CAV1: variants seen among roughly 807,000 people sequenced by gnomAD.
CAV1 encodes caveolin-1.
A neutral mutation model predicts 16.5 loss-of-function variants in CAV1; 10 were observed. The observed-to-expected ratio is 0.61, with a 90% CI of 0.37 to 1.03. The LOEUF is 1.03. CAV1 is among the 50% of genes least tolerant of loss of function. The probability of loss-of-function intolerance (pLI) is 0.01; values close to 1 mark genes in which losing one functional copy is unlikely to be tolerated. For synonymous variants in CAV1, 76 were observed against 85.1 expected (o/e 0.89, Z 0.59); for missense variants, 212 against 232.8 (o/e 0.91, Z 0.58).
In CAV1 at chr7:116,560,274, G is replaced by A. The variant is rs145054697; in HGVS notation, c.*987G>A. 21 of 158,306 alleles carry A rather than the reference G, an allele frequency of 1.3e-4. No homozygotes were observed. Among genetic ancestry groups the A allele is most frequent in the Middle Eastern group, 6.5e-3 (2 of 310 alleles). 9.8% of individuals were successfully genotyped at this position (158,306 alleles called of 1,614,324 possible). ...GAGGTCAGCATGTCTATTCAGCTTC[G>A]TTTATTTTCAAGAATAATCACGCTT... On this transcript the variant is annotated 3_prime_UTR_variant, in exon 3 of 3. Transcript: ENST00000341049.
At chr7:116,557,440 T>C (rs1794313165) in intron 2 of CAV1, among the ~76,000 whole-genome samples, 1 of 152,196 alleles carries the variant, frequency 6.6e-6, no homozygotes, top group East Asian at 1.9e-4. Context: ...TCAAACTGCA[T>C]TAAATCCCCT....
In CAV1 at chr7:116,526,525, G is replaced by A. The variant is rs970789471; in HGVS notation, c.31G>A (p.Gly11Arg). 5 of 1,613,882 alleles carry A rather than the reference G, an allele frequency of 3.1e-6. No individual in the cohort carries two copies. Among genetic ancestry groups the A allele is most frequent in the Admixed American group, 1.7e-5 (1 of 60,018 alleles). The change falls in exon 2 of 3, where the codon GGA (glycine) becomes AGA (arginine). Residue 11 changes from glycine to arginine, a missense_variant and splice_region_variant. Transcript: ENST00000341049. MSGGKYVDSE[G>R]HLYTVPIREQ... ...GCCGTCCGCCCTCCGCCCTCTGCAG[G>A]GACATCTCTACACCGTTCCCATCCG...
intron 2 of CAV1, among the ~76,000 whole-genome samples, chr7:116,543,554 T>C (rs1473024803): frequency 6.6e-6 from 1 of 152,236 alleles, no homozygotes; most frequent in Non-Finnish European, 1.5e-5. Context: ...GCTGTATCTG[T>C]TCTAAGATGG....
rs113679124 is a variant in CAV1 at position 116,532,606 on chromosome 7, A to C, written c.195+5917A>C. Among the ~76,000 whole-genome samples, 328 of 152,242 alleles carry C rather than the reference A, an allele frequency of 2.2e-3. 2 individuals carry two copies. Among genetic ancestry groups the C allele is most frequent in the African/African-American group, 7.0e-3 (291 of 41,532 alleles). On this transcript the variant is annotated intron_variant, in intron 2 of 2. Coordinates refer to ENST00000341049, the MANE Select transcript of CAV1 (RefSeq NM_001753.5). The stretch of plus-strand genomic sequence containing the variant: ...AGGCCCTAGAGAAAAAGATTTGCAA[A>C]CTATACTTGTTTTAAAACAACTTTC...
chr7:116,528,281 A>C (rs1161179680), intron 2 of CAV1, among the ~76,000 whole-genome samples: 2 of 152,184 alleles, frequency 1.3e-5, no homozygotes, highest in African/African-American at 4.8e-5. Context: ...TAGCATGACT[A>C]AGTTGAGAAA....
Position 116,560,757 on chromosome 7 carries a change from T to TC in CAV1, c.*1471dup, listed in dbSNP as rs897966902. On this transcript the variant is annotated 3_prime_UTR_variant, in exon 3 of 3. Coordinates refer to ENST00000341049, the MANE Select transcript of CAV1 (RefSeq NM_001753.5). ...TAAACCTTCAGTTATGATTTTTTTT[T>TC]CATACACTTATTGGAACTCTGCTTG... The TC allele has an allele frequency of 4.1e-4, 62 of 152,748 alleles. No individual in the cohort carries two copies. The highest frequency in any genetic ancestry group is 1.4e-3 in the African/African-American group (59 of 41,576). The allele number at this position is 152,748 out of a possible 1,614,324, so 9.5% of individuals were successfully genotyped here.
intron 2 of CAV1, among the ~76,000 whole-genome samples, chr7:116,528,866 G>A (rs1330983710): frequency 6.6e-6 from 1 of 151,850 alleles, no homozygotes; most frequent in Non-Finnish European, 1.5e-5. Flanking sequence ...GTCTCACTCT[G>A]TCACCCAGGC....
At chr7:116,525,798 C>T in intron 1 of CAV1, 1 of 1,041,080 alleles carries the variant, frequency 9.6e-7, no homozygotes. Flanking sequence ...GTCGGGGGAG[C>T]TGCGCAGGTG....
chr7:116,532,348 G>T (rs936752053), intron 2 of CAV1, among the ~76,000 whole-genome samples: 9 of 152,146 alleles, frequency 5.9e-5, no homozygotes, highest in Admixed American at 1.3e-4. Flanking sequence ...TTTTTAGTTT[G>T]CCCTACTTTT....
chr7:116,539,765 A>G (rs1005384453), intron 2 of CAV1, among the ~76,000 whole-genome samples: 1 of 152,098 alleles, frequency 6.6e-6, no homozygotes, highest in Non-Finnish European at 1.5e-5. Context: ...CATGGGGGAT[A>G]AGGCTAATCT....
chr7:116,526,008 C>G (rs1315880627), intron 1 of CAV1: 1 of 231,452 alleles, frequency 4.3e-6, no homozygotes, highest in Non-Finnish European at 7.1e-6. Context: ...TTCCACGGGT[C>G]GGGCGGCTGC....
chr7:116,528,013 T>G (rs1167773331), intron 2 of CAV1, among the ~76,000 whole-genome samples: 1 of 92,206 alleles, frequency 1.1e-5, no homozygotes, highest in Non-Finnish European at 2.5e-5. Context: ...AACTAGAAAA[T>G]AGAATTGCTA....
intron 2 of CAV1, among the ~76,000 whole-genome samples, chr7:116,538,009 A>G (rs2115999336): frequency 6.6e-6 from 1 of 152,350 alleles, no homozygotes; most frequent in Non-Finnish European, 1.5e-5. Context: ...CAAGTTGGCC[A>G]GAGACCCTGG....
At chr7:116,531,521 C>G (rs551058539) in intron 2 of CAV1, among the ~76,000 whole-genome samples, 1 of 152,270 alleles carries the variant, frequency 6.6e-6, no homozygotes, top group Non-Finnish European at 1.5e-5. Flanking sequence ...TGATTAATAT[C>G]AGTATAACAG....
chr7:116,537,451 G>A (rs1793847462), intron 2 of CAV1, among the ~76,000 whole-genome samples: 1 of 152,042 alleles, frequency 6.6e-6, no homozygotes, highest in Non-Finnish European at 1.5e-5. Context: ...TATGAGATGG[G>A]TACTATTATT....
rs190256623 is a variant in CAV1 at position 116,540,512 on chromosome 7, A to G, written c.195+13823A>G. On this transcript the variant is annotated intron_variant, in intron 2 of 2. Coordinates refer to ENST00000341049, the MANE Select transcript of CAV1 (RefSeq NM_001753.5). Reference sequence around the variant, plus strand: ...ACTAGGAAGTAGCCATCAAAAAAGAATGATGAGGTGCATTGTGGATTTGGG... The same window carrying G: ...ACTAGGAAGTAGCCATCAAAAAAGAGTGATGAGGTGCATTGTGGATTTGGG... Among the ~76,000 whole-genome samples, 557 of 152,366 alleles carry G rather than the reference A, an allele frequency of 3.7e-3. 4 individuals carry two copies. The highest frequency in any genetic ancestry group is 6.8e-3 in the Middle Eastern group (2 of 294).
At chr7:116,537,550 G>A (rs1292989371) in intron 2 of CAV1, among the ~76,000 whole-genome samples, 1 of 152,104 alleles carries the variant, frequency 6.6e-6, no homozygotes, top group Non-Finnish European at 1.5e-5. Context: ...GTAGAGTCAG[G>A]GTTTGAACCC....
chr7:116,534,362 G>GAGAT (rs1293217496), intron 2 of CAV1, among the ~76,000 whole-genome samples: 1 of 42,712 alleles, frequency 2.3e-5, no homozygotes, highest in Non-Finnish European at 4.5e-5. Flanking sequence ...GCCCACCTCA[G>GAGAT]ATATATATAT....
rs1005695856 is a variant in CAV1, at chr7:116,526,526, G to T, written c.32G>T (p.Gly11Val). ...CCGTCCGCCCTCCGCCCTCTGCAGG[G>T]ACATCTCTACACCGTTCCCATCCGG... Reference protein sequence around the residue: MSGGKYVDSEGHLYTVPIREQ... With the variant: MSGGKYVDSEVHLYTVPIREQ... Residue 11 changes from glycine (G) to valine (V), a missense_variant and splice_region_variant, in exon 2 of 3, where the codon GGA becomes GTA. By Grantham distance (109) the Gly-to-Val change is moderately radical (BLOSUM62 -3). Coordinates refer to ENST00000341049, the MANE Select transcript of CAV1 (RefSeq NM_001753.5). 8.7e-6 allele frequency: 14 copies of T among 1,613,776 alleles called. No homozygotes were observed. Among genetic ancestry groups the T allele is most frequent in the Non-Finnish European group, 1.2e-5 (14 of 1,180,014 alleles).
Sources: allele counts gnomAD v4.1 joint callset (sites outside exome capture counted in the v4.1 genomes callset), GRCh38; gene constraint gnomAD v4.1.1; transcripts MANE v1.5; gene names NCBI Gene and HGNC (gene_info 2026-07-23, HGNC 2026-07-21).